NIPAL2: variants seen among roughly 807,000 people sequenced by gnomAD.
NIPAL2 encodes the protein NIPA-like protein 2.
A neutral mutation model predicts 48.9 loss-of-function variants in NIPAL2; 43 were observed. That is an observed-to-expected ratio of 0.88 (90% confidence interval 0.69 to 1.13). NIPAL2 has a LOEUF of 1.13. Among genes scored for constraint, NIPAL2 ranks in the 50% most tolerant of loss-of-function variants. NIPAL2 has a pLI of 0.00. For missense variants in NIPAL2, 446 were observed against 461.4 expected (o/e 0.97, Z 0.31); for synonymous variants, 167 against 174.6 (o/e 0.96, Z 0.34).
At chr8:98,271,854 TA>T (rs559943037) in intron 1 of NIPAL2, among the ~76,000 whole-genome samples, 2 of 152,120 alleles carry the variant, frequency 1.3e-5, no homozygotes, top group Non-Finnish European at 2.9e-5. Flanking sequence ...TATTTTGAGG[TA>T]TGTTCCTTTG....
At chr8:98,212,561 C>A in intron 5 of NIPAL2, 60 bp from the exon 6 acceptor site, 2 of 850,840 alleles carry the variant, frequency 2.4e-6, no homozygotes, top group South Asian at 1.5e-5. Context: ...CAAAATGTCA[C>A]ACTTCTCATT....
intron 6 of NIPAL2, among the ~76,000 whole-genome samples, chr8:98,210,719 T>C (rs934598669): frequency 1.1e-4 from 17 of 152,232 alleles, no homozygotes; most frequent in Non-Finnish European, 2.2e-4. Flanking sequence ...TAGTGTAGTT[T>C]TGCATTTTCT....
chr8:98,198,285 C>T (rs2130689836), intron 8 of NIPAL2, among the ~76,000 whole-genome samples: 1 of 152,290 alleles, frequency 6.6e-6, no homozygotes, highest in African/African-American at 2.4e-5. Context: ...TTCAGTAACC[C>T]ATGCCATAAA....
chr8:98,279,590 C>G (rs920898439), intron 1 of NIPAL2, among the ~76,000 whole-genome samples: 1 of 152,188 alleles, frequency 6.6e-6, no homozygotes, highest in Non-Finnish European at 1.5e-5. Context: ...TGCAAAGTCA[C>G]ACAGCTAGAT....
chr8:98,287,768 T>C (rs1440580524), intron 1 of NIPAL2, among the ~76,000 whole-genome samples: 2 of 152,180 alleles, frequency 1.3e-5, no homozygotes, highest in African/African-American at 4.8e-5. Flanking sequence ...AATGGAGAAA[T>C]TGAGAAACTT....
At chr8:98,204,670 C>T (rs899159384) in intron 7 of NIPAL2, among the ~76,000 whole-genome samples, 4 of 151,932 alleles carry the variant, frequency 2.6e-5, no homozygotes, top group East Asian at 1.9e-4. Context: ...ATTTCCCTCC[C>T]GGCCAAATGT....
intron 3 of NIPAL2, among the ~76,000 whole-genome samples, chr8:98,237,427 G>C (rs950739872): frequency 6.6e-6 from 1 of 152,074 alleles, no homozygotes; most frequent in Non-Finnish European, 1.5e-5. Context: ...GCTCAGGGCA[G>C]CTTCTCTGGC....
chr8:98,250,696 A>G (rs1365928377), intron 3 of NIPAL2, among the ~76,000 whole-genome samples: 1 of 152,226 alleles, frequency 6.6e-6, no homozygotes, highest in African/African-American at 2.4e-5. Flanking sequence ...AGCATGAAGA[A>G]AAAGCCCATC....
chr8:98,204,194 A>G (rs1475531964), intron 7 of NIPAL2, among the ~76,000 whole-genome samples: 1 of 152,242 alleles, frequency 6.6e-6, no homozygotes, highest in Non-Finnish European at 1.5e-5. Context: ...AGAAACAGAT[A>G]AATGAAATAG....
intron 1 of NIPAL2, among the ~76,000 whole-genome samples, chr8:98,263,976 A>G (rs1249749310): frequency 1.4e-5 from 2 of 141,624 alleles, no homozygotes; most frequent in Non-Finnish European, 3.1e-5. Context: ...CTGGTTCAAT[A>G]TACGCAAATC....
intron 5 of NIPAL2, chr8:98,217,346 T>C (rs201324377): frequency 2.0e-6 from 2 of 979,532 alleles, no homozygotes; most frequent in African/African-American, 3.5e-5. Context: ...GCCGCACTAT[T>C]ATGATTCCTT....
chr8:98,207,594 T>TAA (rs201543349), intron 6 of NIPAL2, among the ~76,000 whole-genome samples: 2 of 152,162 alleles, frequency 1.3e-5, no homozygotes, highest in African/African-American at 4.8e-5. Flanking sequence ...TGAAATTCAT[T>TAA]AAAAAAATCT....
chr8:98,280,527 G>A (rs1344782362), intron 1 of NIPAL2, among the ~76,000 whole-genome samples: 1 of 151,582 alleles, frequency 6.6e-6, no homozygotes, highest in African/African-American at 2.4e-5. Flanking sequence ...CTGAGACATG[G>A]GTGTTCAGCT....
chr8:98,267,784 T>A (rs1049036957), intron 1 of NIPAL2, among the ~76,000 whole-genome samples: 3 of 152,206 alleles, frequency 2.0e-5, no homozygotes, highest in African/African-American at 7.2e-5. Context: ...TATTTCAAAG[T>A]GACCTGAATA....
chr8:98,222,628 A>G (rs1482059234), intron 4 of NIPAL2, 28 bp from the exon 5 acceptor site: 1 of 1,610,410 alleles, frequency 6.2e-7, no homozygotes, highest in South Asian at 1.1e-5. Context: ...AAGAAAAACC[A>G]AATTGAAACC....
rs113749576 is a variant in NIPAL2 at position 98,202,020 on chromosome 8, A to G, written c.880+1088T>C. ...AATACATCAGATAAGCCAATGAATG[A>G]GGGCATACCAGTACCAAATATAGAA... On this transcript the variant is annotated intron_variant, in intron 8 of 10. Transcript: ENST00000430223. Among the ~76,000 whole-genome samples the G allele has an allele frequency of 2.5e-3, 376 of 152,360 alleles. 4 individuals are homozygous for G. Among genetic ancestry groups the G allele is most frequent in the African/African-American group, 8.5e-3 (352 of 41,594 alleles).
At chr8:98,242,937 A>G (rs1240871114) in intron 3 of NIPAL2, among the ~76,000 whole-genome samples, 1 of 152,206 alleles carries the variant, frequency 6.6e-6, no homozygotes, top group Admixed American at 6.5e-5. Flanking sequence ...AATTAAAACA[A>G]TTTTAAAAAT....
chr8:98,283,820 T>C (rs545277597), intron 1 of NIPAL2, among the ~76,000 whole-genome samples: 1 of 152,302 alleles, frequency 6.6e-6, no homozygotes, highest in African/African-American at 2.4e-5. Context: ...CTACAGCCTA[T>C]ATCAAGTATC....
chr8:98,222,715 A>T, intron 4 of NIPAL2, 115 bp from the exon 5 acceptor site: 1 of 977,492 alleles, frequency 1.0e-6, no homozygotes, highest in Non-Finnish European at 1.5e-6. Flanking sequence ...GCCCCTCCCT[A>T]TTATACTCCG....
Sources: gnomAD v4.1 joint callset for allele counts (sites outside exome capture counted in the v4.1 genomes callset) on GRCh38, gnomAD v4.1.1 for gene constraint, MANE v1.5 for transcripts, NCBI Gene and HGNC (gene_info 2026-07-23, HGNC 2026-07-21) for gene names.